The following CACNA1E variants were observed in gnomAD, a reference collection of about 807,000 sequenced individuals.
CACNA1E encodes calcium voltage-gated channel subunit alpha1 E.
A neutral mutation model predicts 259.2 loss-of-function variants in CACNA1E; 40 were observed. The observed-to-expected ratio is 0.15, with a 90% CI of 0.12 to 0.20. CACNA1E has a LOEUF of 0.20. Ranked by LOEUF, CACNA1E falls within the 10% of genes least tolerant of loss-of-function variation. The pLI is 1.00. For synonymous variants in CACNA1E, 1,104 were observed against 1,138.5 expected (o/e 0.97, Z 0.61); for missense variants, 1,874 against 3,040.1 (o/e 0.62, Z 9.02).
intron 3 of CACNA1E, among the ~76,000 whole-genome samples, chr1:181,567,334 A>G (rs902778769): frequency 6.6e-6 from 1 of 152,274 alleles, no homozygotes; most frequent in South Asian, 2.1e-4. Context: ...AAGAAATATC[A>G]TGGCTTCTTA....
intron 2 of CACNA1E, among the ~76,000 whole-genome samples, chr1:181,429,403 A>G (rs930013149): frequency 2.0e-5 from 3 of 152,074 alleles, no homozygotes; most frequent in South Asian, 2.1e-4. Flanking sequence ...TCTCTGCCCA[A>G]TCTCTCTCCA....
At chr1:181,693,128 C>CA (rs61662957) in intron 7 of CACNA1E, among the ~76,000 whole-genome samples, 1,241 of 97,458 alleles carry the variant, frequency 0.013, 11 homozygotes, top group Non-Finnish European at 0.014. Context: ...CTATCTAAAG[C>CA]AAAAAAAAAA....
At chr1:181,730,288 C>T (rs1655342886) in intron 18 of CACNA1E, among the ~76,000 whole-genome samples, 1 of 152,238 alleles carries the variant, frequency 6.6e-6, no homozygotes, top group African/African-American at 2.4e-5. Context: ...CTGGGCTGGA[C>T]TGAGTTCATC....
intron 16 of CACNA1E, among the ~76,000 whole-genome samples, chr1:181,722,268 C>CA (rs1202012792): frequency 6.6e-6 from 1 of 151,960 alleles, no homozygotes; most frequent in East Asian, 1.9e-4. Flanking sequence ...AGTAAGATCC[C>CA]AAAAAATTAG....
At chr1:181,423,458 C>G (rs974134558) in intron 2 of CACNA1E, among the ~76,000 whole-genome samples, 4 of 152,166 alleles carry the variant, frequency 2.6e-5, no homozygotes, top group Non-Finnish European at 5.9e-5. Flanking sequence ...TGGTGAGTGA[C>G]AAGGTAGGAG....
At chr1:181,594,301 A>G (rs1177160078) in intron 6 of CACNA1E, among the ~76,000 whole-genome samples, 3 of 152,170 alleles carry the variant, frequency 2.0e-5, no homozygotes, top group African/African-American at 7.2e-5. Context: ...ACTGGTAGTC[A>G]TTTATGTAAC....
intron 3 of CACNA1E, among the ~76,000 whole-genome samples, chr1:181,551,692 C>T (rs1183756833): frequency 6.6e-6 from 1 of 151,990 alleles, no homozygotes; most frequent in Non-Finnish European, 1.5e-5. Flanking sequence ...GGCCAGAGGC[C>T]CTTCAGATCG....
intron 6 of CACNA1E, among the ~76,000 whole-genome samples, chr1:181,643,311 G>A (rs1408241332): frequency 6.6e-6 from 1 of 152,188 alleles, no homozygotes; most frequent in Non-Finnish European, 1.5e-5. Context: ...GGAGGGACAG[G>A]ATAAATATCA....
chr1:181,586,327 A>G (rs1236511716), intron 6 of CACNA1E, among the ~76,000 whole-genome samples: 2 of 152,188 alleles, frequency 1.3e-5, no homozygotes, highest in South Asian at 2.1e-4. Flanking sequence ...AAATGAGTTC[A>G]TGGTAGAAGG....
At chr1:181,745,854 G>T (rs1208111090) in intron 25 of CACNA1E, among the ~76,000 whole-genome samples, 4 of 152,188 alleles carry the variant, frequency 2.6e-5, no homozygotes, top group Non-Finnish European at 5.9e-5. Context: ...AAAACTGCTA[G>T]GAGACAGTTA....
intron 1 of CACNA1E, among the ~76,000 whole-genome samples, chr1:181,490,568 G>T (rs1215710413): frequency 6.8e-6 from 1 of 146,108 alleles, no homozygotes; most frequent in Admixed American, 6.8e-5. Context: ...TTTTGCCTGT[G>T]GGTGGTTGAT....
At chr1:181,726,636 T>A (rs1225881968) in intron 18 of CACNA1E, among the ~76,000 whole-genome samples, 1 of 152,120 alleles carries the variant, frequency 6.6e-6, no homozygotes, top group Non-Finnish European at 1.5e-5. Flanking sequence ...GTCCTTAAAG[T>A]CCAGGTGGAA....
At chr1:181,427,036 C>A in intron 2 of CACNA1E, among the ~76,000 whole-genome samples, 1 of 150,166 alleles carries the variant, frequency 6.7e-6, no homozygotes, top group East Asian at 2.0e-4. Context: ...CTACCCCTTC[C>A]CATCTCAACC....
intron 38 of CACNA1E, among the ~76,000 whole-genome samples, chr1:181,779,913 T>C (rs1191852292): frequency 6.6e-6 from 1 of 151,944 alleles, no homozygotes; most frequent in Non-Finnish European, 1.5e-5. Context: ...AATGCAGAAA[T>C]ATTTTTAACC....
At chr1:181,759,240 A>T (rs1048864924) in intron 32 of CACNA1E, among the ~76,000 whole-genome samples, 3 of 152,214 alleles carry the variant, frequency 2.0e-5, no homozygotes, top group African/African-American at 7.2e-5. Flanking sequence ...CACAAATGGG[A>T]AAATAACTAT....
intron 7 of CACNA1E, among the ~76,000 whole-genome samples, chr1:181,681,679 G>T (rs572896009): frequency 6.6e-6 from 1 of 152,314 alleles, no homozygotes; most frequent in South Asian, 2.1e-4. Context: ...GGGGAATGGG[G>T]TTGTATTTGA....
At chr1:181,773,417 C>A (rs950918320) in intron 37 of CACNA1E, among the ~76,000 whole-genome samples, 1 of 152,152 alleles carries the variant, frequency 6.6e-6, no homozygotes, top group Non-Finnish European at 1.5e-5. Context: ...ATTTTATACA[C>A]AATGAACTGA....
intron 43 of CACNA1E, among the ~76,000 whole-genome samples, chr1:181,788,452 G>GA (rs1661027337): frequency 6.6e-6 from 1 of 152,194 alleles, no homozygotes; most frequent in African/African-American, 2.4e-5. Flanking sequence ...TTGGAAAGAA[G>GA]AAAAGTTGCA....
At chr1:181,565,476 C>A (rs1040219399) in intron 3 of CACNA1E, among the ~76,000 whole-genome samples, 1 of 152,166 alleles carries the variant, frequency 6.6e-6, no homozygotes, top group African/African-American at 2.4e-5. Context: ...AGCTCTTGAG[C>A]CTTTTAGCTT....
Sources: gnomAD v4.1 joint callset for allele counts (sites outside exome capture counted in the v4.1 genomes callset) on GRCh38, gnomAD v4.1.1 for gene constraint, MANE v1.5 for transcripts, NCBI Gene and HGNC (gene_info 2026-07-23, HGNC 2026-07-21) for gene names.